Variants in CDH12 observed in about 807,000 individuals in gnomAD.
CDH12 encodes cadherin 12.
A neutral mutation model predicts 74.1 loss-of-function variants in CDH12; 41 were observed. That is an observed-to-expected ratio of 0.55 (90% CI 0.43 to 0.72). The LOEUF is 0.72. Among genes scored for constraint, CDH12 ranks in the 30% least tolerant of loss-of-function variants. The pLI, the probability that CDH12 is intolerant of heterozygous loss-of-function variation, is 0.00. For missense variants in CDH12, 945 were observed against 977.2 expected (o/e 0.97, Z 0.44); for synonymous variants, 399 against 355.0 (o/e 1.12, Z -1.39).
At chr5:21,912,159 G>A (rs1333445377) in intron 6 of CDH12, among the ~76,000 whole-genome samples, 2 of 152,140 alleles carry the variant, frequency 1.3e-5, no homozygotes, top group Non-Finnish European at 2.9e-5. Context: ...AACAAACTAT[G>A]TGATTTTGGG....
intron 3 of CDH12, among the ~76,000 whole-genome samples, chr5:22,330,245 C>T (rs893066937): frequency 6.6e-6 from 1 of 152,096 alleles, no homozygotes; most frequent in African/African-American, 2.4e-5. Context: ...TTCCTAGACA[C>T]AGCCTGTGTC....
intron 3 of CDH12, among the ~76,000 whole-genome samples, chr5:22,226,600 T>A (rs1217201662): frequency 1.3e-5 from 2 of 152,106 alleles, no homozygotes; most frequent in Non-Finnish European, 2.9e-5. Flanking sequence ...AGCTCTGACT[T>A]CAATATTTTG....
At chr5:22,548,006 C>A (rs962514182) in intron 1 of CDH12, among the ~76,000 whole-genome samples, 5 of 152,128 alleles carry the variant, frequency 3.3e-5, no homozygotes, top group African/African-American at 1.2e-4. Context: ...TTCTGTTAAT[C>A]AATTTGTACA....
intron 1 of CDH12, among the ~76,000 whole-genome samples, chr5:22,512,580 G>T (rs535595594): frequency 6.6e-6 from 1 of 152,302 alleles, no homozygotes; most frequent in South Asian, 2.1e-4. Context: ...AGGACATGTG[G>T]TTATCAATAG....
intron 6 of CDH12, among the ~76,000 whole-genome samples, chr5:21,934,480 A>T (rs1754982867): frequency 6.6e-6 from 1 of 152,240 alleles, no homozygotes; most frequent in Non-Finnish European, 1.5e-5. Context: ...TAAAGTAAGT[A>T]TTGATATGGA....
intron 11 of CDH12, among the ~76,000 whole-genome samples, chr5:21,776,463 A>T (rs1412482861): frequency 6.6e-6 from 1 of 152,190 alleles, no homozygotes; most frequent in Admixed American, 6.5e-5. Context: ...CTCCCCAAGA[A>T]TTGAAGACCT....
intron 5 of CDH12, among the ~76,000 whole-genome samples, chr5:22,004,991 A>C (rs1204970829): frequency 1.3e-5 from 2 of 151,966 alleles, no homozygotes; most frequent in African/African-American, 4.8e-5. Flanking sequence ...CTTTTTATGG[A>C]TGGTATATGT....
In CDH12 at chr5:22,491,622, C is replaced by A. The variant is rs79417041; in HGVS notation, c.-428+13648G>T. Reference sequence around the variant, plus strand: ...GACAGCTAATGAGCAAAAAAAAAAACAAAAAAAAAAACAAAAACAACAACA... The same window carrying A: ...GACAGCTAATGAGCAAAAAAAAAAAAAAAAAAAAAAACAAAAACAACAACA... On this transcript the variant is annotated intron_variant, in intron 2 of 14. Transcript: ENST00000382254. 5.7e-3 allele frequency among the ~76,000 whole-genome samples: 766 copies of A among 135,070 alleles called. 12 individuals are homozygous for A. The highest frequency in any genetic ancestry group is 0.013 in the African/African-American group (456 of 35,760). The allele number at this position is 135,070 out of a possible 152,430, so 88.6% of individuals were successfully genotyped here.
chr5:22,579,305 A>C (rs1561504475), intron 1 of CDH12, among the ~76,000 whole-genome samples: 2 of 152,142 alleles, frequency 1.3e-5, no homozygotes, highest in Admixed American at 6.5e-5. Context: ...CATGAATATC[A>C]GATGTTATAA....
At chr5:22,703,518 G>A (rs1457368862) in intron 1 of CDH12, among the ~76,000 whole-genome samples, 1 of 152,112 alleles carries the variant, frequency 6.6e-6, no homozygotes. Flanking sequence ...CAAAATGAGT[G>A]AGTGTCTAAG....
At chr5:22,835,590 C>T (rs140592506) in intron 1 of CDH12, among the ~76,000 whole-genome samples, 16 of 152,090 alleles carry the variant, frequency 1.1e-4, no homozygotes, top group Admixed American at 9.2e-4. Flanking sequence ...ATTATCTCTC[C>T]GTGAATCTTA....
chr5:22,641,815 G>C (rs1739167780), intron 1 of CDH12, among the ~76,000 whole-genome samples: 1 of 152,188 alleles, frequency 6.6e-6, no homozygotes, highest in East Asian at 1.9e-4. Context: ...TCCCTGGAGA[G>C]GGCCTTTCTC....
chr5:22,184,298 T>C lies in CDH12; in HGVS notation c.-187+28200A>G, dbSNP rs568057631. ...AAGTAGTGAGATGGGTTCATAAAAT[T>C]GACCCTTGGTTTTTGAAACTAAAAA... On this transcript the variant is annotated intron_variant, in intron 4 of 14. Coordinates refer to ENST00000382254, the MANE Select transcript of CDH12 (RefSeq NM_004061.5). Among the ~76,000 whole-genome samples, 12 of 152,316 alleles carry C rather than the reference T, an allele frequency of 7.9e-5. No individual in the cohort carries two copies. The East Asian group carries it at 2.3e-3, about 29-fold the overall frequency.
intron 3 of CDH12, among the ~76,000 whole-genome samples, chr5:22,384,110 T>C (rs1741886083): frequency 6.6e-6 from 1 of 152,178 alleles, no homozygotes; most frequent in Non-Finnish European, 1.5e-5. Context: ...TGCAGATAGC[T>C]TTCTCAATTA....
At chr5:22,719,640 G>A (rs1743773445) in intron 1 of CDH12, among the ~76,000 whole-genome samples, 1 of 152,148 alleles carries the variant, frequency 6.6e-6, no homozygotes, top group East Asian at 1.9e-4. Flanking sequence ...TTCTGGATAT[G>A]CTTTGCTAAG....
At chr5:21,964,303 A>G (rs1171805813) in intron 6 of CDH12, among the ~76,000 whole-genome samples, 1 of 152,086 alleles carries the variant, frequency 6.6e-6, no homozygotes, top group African/African-American at 2.4e-5. Flanking sequence ...TTCAATTATT[A>G]TAACAGCAAT....
intron 1 of CDH12, among the ~76,000 whole-genome samples, chr5:22,825,195 A>T (rs1455049237): frequency 4.1e-4 from 63 of 152,156 alleles, no homozygotes; most frequent in Admixed American, 4.0e-3. Flanking sequence ...AAACAAAATT[A>T]AAAAATACCC....
chr5:22,750,245 G>A (rs1041602650), intron 1 of CDH12, among the ~76,000 whole-genome samples: 9 of 152,130 alleles, frequency 5.9e-5, no homozygotes, highest in African/African-American at 2.2e-4. Context: ...AGAGCCACAG[G>A]AGATGACACT....
intron 3 of CDH12, among the ~76,000 whole-genome samples, chr5:22,328,760 T>C (rs1224513139): frequency 2.0e-5 from 3 of 152,116 alleles, no homozygotes; most frequent in East Asian, 1.9e-4. Context: ...AAGAGAGTAA[T>C]AGGTTGTGGT....
Sources: allele counts gnomAD v4.1 joint callset (sites outside exome capture counted in the v4.1 genomes callset), GRCh38; gene constraint gnomAD v4.1.1; transcripts MANE v1.5; gene names NCBI Gene and HGNC (gene_info 2026-07-23, HGNC 2026-07-21).